The following CBLN1 variants were observed in gnomAD, a reference collection of about 807,000 sequenced individuals.
The protein encoded by CBLN1 is cerebellin 1 precursor, also known as cerebellin-1.
A neutral mutation model predicts 15.9 loss-of-function variants in CBLN1; 5 were observed. That is an observed-to-expected ratio of 0.31 (90% CI 0.16 to 0.66). The LOEUF (loss-of-function observed/expected upper bound fraction) is 0.66. CBLN1 is among the 30% of genes least tolerant of loss of function. CBLN1 has a pLI of 0.75. For missense variants in CBLN1, 164 were observed against 253.7 expected (o/e 0.65, Z 2.40); for synonymous variants, 90 against 107.6 (o/e 0.84, Z 1.01).
rs1332965609 is a variant in CBLN1 at position 49,279,612 on chromosome 16, G to A, written c.385-11C>T. On this transcript the variant is annotated splice_polypyrimidine_tract_variant and intron_variant, in intron 2 of 2. Transcript: ENST00000219197. ...TAGCATGAGGCTCACCTGAGAAAGA[G>A]AAAGGCCCGCTTCAGAGGCGCAACC... is the stretch of plus-strand genomic sequence containing the variant. The A allele has an allele frequency of 6.2e-7, 1 of 1,611,026 alleles. No homozygotes were observed. The highest frequency in any genetic ancestry group is 2.2e-5 in the East Asian group (1 of 44,694).
chr16:49,279,714 A>AGT, intron 2 of CBLN1, 113 bp from the exon 3 acceptor site: 1 of 164,756 alleles, frequency 6.1e-6, no homozygotes, highest in Non-Finnish European at 1.1e-5. Flanking sequence ...GGAAGCACGG[A>AGT]GAGGTGGGGG....
chr16:49,281,771 G>A lies in CBLN1; in HGVS notation c.-306C>T, dbSNP rs1048240021. 5.3e-4 allele frequency: 166 copies of A among 310,922 alleles called. No individual in the cohort carries two copies. Among genetic ancestry groups the A allele is most frequent in the Non-Finnish European group, 8.3e-4 (143 of 171,528 alleles). 19.3% of individuals were successfully genotyped at this position (310,922 alleles called of 1,614,324 possible). A position where few individuals can be genotyped will look rare whatever the true frequency, so the allele number is the denominator to read the frequency against. On this transcript the variant is annotated 5_prime_UTR_variant, in exon 1 of 3. Coordinates refer to ENST00000219197, the MANE Select transcript of CBLN1 (RefSeq NM_004352.4). ...CTGCCGCCGCCTCCTGCCCGCACCCGCCGCTGCCGCCGCCGCCGCCGCTCT... is the reference window on the plus strand; with the variant it reads ...CTGCCGCCGCCTCCTGCCCGCACCCACCGCTGCCGCCGCCGCCGCCGCTCT...
At chr16:49,279,936 G>C (rs1245756588) in intron 2 of CBLN1, among the ~76,000 whole-genome samples, 2 of 152,034 alleles carry the variant, frequency 1.3e-5, no homozygotes, top group African/African-American at 2.4e-5. Flanking sequence ...AGCGCCCTGA[G>C]ACCTTTGACC....
Position 49,278,339 on chromosome 16 carries a change from T to G in CBLN1, c.*1065A>C, listed in dbSNP as rs1963221366. 1 of 152,270 alleles carries G rather than the reference T, an allele frequency of 6.6e-6. No individual in the cohort carries two copies. The highest frequency in any genetic ancestry group is 1.5e-5 in the Non-Finnish European group (1 of 68,056). 9.4% of individuals were successfully genotyped at this position (152,270 alleles called of 1,614,324 possible). The stretch of plus-strand genomic sequence containing the variant: ...CTGTGAACACAGGCGAATGCAGTGC[T>G]GGTCCCCGGCCTGGCGCAGGAAGGA... On this transcript the variant is annotated 3_prime_UTR_variant, in exon 3 of 3. Transcript: ENST00000219197.
At position 49,281,235 on chromosome 16, in the gene CBLN1, C is replaced by T. The variant is rs1963285767; in HGVS notation, c.231G>A (p.Met77Ile). 1 of 1,614,054 alleles carries T rather than the reference C, an allele frequency of 6.2e-7. No homozygotes were observed. Among genetic ancestry groups the T allele is most frequent in the South Asian group, 1.1e-5 (1 of 91,090 alleles). The change falls in exon 1 of 3, where the codon ATG becomes ATA. Residue 77 changes from methionine (M) to isoleucine (I), a missense_variant. Physicochemically the swap from Met to Ile is conservative, Grantham distance 10. Around this residue, in one of 3 missense-constraint regions of CBLN1, gnomAD observed 127 missense variants for 179.7 expected, o/e 0.71. Transcript: ENST00000219197. ...AGTAGATGATCATGGTGCGATTACT[C>T]ATCTCGGACGGCTCGTGGTTGGTGC... ...IRSTNHEPSE[M>I]SNRTMIIYFD...
rs1187679662 is a variant in CBLN1 at position 49,278,795 on chromosome 16, A to C, written c.*609T>G. 1.3e-5 allele frequency: 2 copies of C among 152,300 alleles called. No homozygotes were observed. Among genetic ancestry groups the C allele is most frequent in the Admixed American group, 6.5e-5 (1 of 15,290 alleles). The allele number at this position is 152,300 out of a possible 1,614,324, so 9.4% of individuals were successfully genotyped here. On this transcript the variant is annotated 3_prime_UTR_variant, in exon 3 of 3. Coordinates refer to ENST00000219197, the MANE Select transcript of CBLN1 (RefSeq NM_004352.4). ...GATATATATTTATATTTTTTAAACC[A>C]GTCACCACTAAGGTGAGTCCTTTCT...
At position 49,281,777 on chromosome 16, in the gene CBLN1, G is replaced by T. The variant is rs3743775; in HGVS notation, c.-312C>A. ...CCGCCTCCTGCCCGCACCCGCCGCT[G>T]CCGCCGCCGCCGCCGCTCTGAATTA... On this transcript the variant is annotated 5_prime_UTR_variant, in exon 1 of 3. Transcript: ENST00000219197. 141,862 of 279,282 alleles carry T rather than the reference G, an allele frequency of 0.51. 36,520 individuals are homozygous for T. Among genetic ancestry groups the T allele is most frequent in the East Asian group, 0.65 (10,573 of 16,214 alleles). The allele number at this position is 279,282 out of a possible 1,614,324, so 17.3% of individuals were successfully genotyped here. A position where few individuals can be genotyped will look rare whatever the true frequency, so the allele number is the denominator to read the frequency against.
Position 49,281,508 on chromosome 16 carries a change from T to G in CBLN1, c.-43A>C. 2.4e-6 allele frequency: 2 copies of G among 838,202 alleles called. No individual in the cohort carries two copies. Among genetic ancestry groups the G allele is most frequent in the Non-Finnish European group, 3.0e-6 (2 of 671,576 alleles). The allele number at this position is 838,202 out of a possible 1,614,324, so 51.9% of individuals were successfully genotyped here. Reference sequence around the variant, plus strand: ...CCCCGCCCCCCACCCCCAGGGCTGCTCGCGCCAGCCGCCCCCCCCGTCCCA... The same window carrying G: ...CCCCGCCCCCCACCCCCAGGGCTGCGCGCGCCAGCCGCCCCCCCCGTCCCA... On this transcript the variant is annotated 5_prime_UTR_variant, in exon 1 of 3. Coordinates refer to ENST00000219197, the MANE Select transcript of CBLN1 (RefSeq NM_004352.4).
rs560349230 is a variant in CBLN1 at position 49,281,042 on chromosome 16, C to T, written c.265G>A (p.Val89Ile). Residue 89 changes from valine to isoleucine, a missense_variant and splice_region_variant, in exon 2 of 3, where the codon GTA (valine) becomes ATA (isoleucine). By Grantham distance (29) the Val-to-Ile change is conservative. Coordinates refer to ENST00000219197, the MANE Select transcript of CBLN1 (RefSeq NM_004352.4). ...NRTMIIYFDQ[V>I]LVNIGNNFDS... ...AAGTTGTTCCCAATGTTCACTAGTA[C>T]CTATAACGAGACGGGAACGAAGGGG... 117 of 1,614,242 alleles carry T rather than the reference C, an allele frequency of 7.2e-5. 2 individuals are homozygous for T. The South Asian group carries it at 1.2e-3, about 17-fold the overall frequency.
chr16:49,280,154 C>T (rs1963245382), intron 2 of CBLN1, among the ~76,000 whole-genome samples: 3 of 152,192 alleles, frequency 2.0e-5, no homozygotes, highest in African/African-American at 7.2e-5. Context: ...TGTATTTCCT[C>T]CCCAAACCAC....
chr16:49,280,939 T>C lies in CBLN1; in HGVS notation c.368A>G (p.Asn123Ser). Residue 123 changes from asparagine (N) to serine (S), a missense_variant, in exon 2 of 3, where the codon AAC (asparagine) becomes AGC (serine). Transcript: ENST00000219197. ...TCGGCTGACCTGTATGGTTTGTCTG[T>C]TGTAGACTTTTACCACGTGGAAGTT... ...SFNFHVVKVY[N>S]RQTIQVSLML... The C allele has an allele frequency of 1.9e-6, 3 of 1,614,214 alleles. No individual in the cohort carries two copies. Among genetic ancestry groups the C allele is most frequent in the South Asian group, 2.2e-5 (2 of 91,092 alleles).
At position 49,278,573 on chromosome 16, in the gene CBLN1, C is replaced by T. The variant is rs1388018275; in HGVS notation, c.*831G>A. 6.6e-6 allele frequency: 1 copy of T among 152,230 alleles called. No homozygotes were observed. Among genetic ancestry groups the T allele is most frequent in the Non-Finnish European group, 1.5e-5 (1 of 68,048 alleles). 9.4% of individuals were successfully genotyped at this position (152,230 alleles called of 1,614,324 possible). On this transcript the variant is annotated 3_prime_UTR_variant, in exon 3 of 3. Transcript: ENST00000219197. Reference sequence around the variant, plus strand: ...AGATTAAAGCAAAATTAAACCTTGACTATTCACACGTATGTTACAGAGGAA... The same window carrying T: ...AGATTAAAGCAAAATTAAACCTTGATTATTCACACGTATGTTACAGAGGAA...
chr16:49,281,311 C>A lies in CBLN1; in HGVS notation c.155G>T (p.Gly52Val). Reference protein sequence around the residue: ...PTSDPTGTALGISVRSGSAKV... With the variant: ...PTSDPTGTALVISVRSGSAKV... The stretch of plus-strand genomic sequence containing the variant: ...GGCGCTGCCAGAGCGCACAGAGATG[C>A]CCAGGGCAGTGCCCGTGGGGTCGGA... The change falls in exon 1 of 3, where the codon GGC (glycine) becomes GTC (valine). Residue 52 changes from glycine to valine, a missense_variant. This residue lies in a region of CBLN1 where 127 missense variants were observed against 179.7 expected (regional missense o/e 0.71). Coordinates refer to ENST00000219197, the MANE Select transcript of CBLN1 (RefSeq NM_004352.4). 9 of 1,613,590 alleles carry A rather than the reference C, an allele frequency of 5.6e-6. No individual in the cohort carries two copies. Among genetic ancestry groups the A allele is most frequent in the Non-Finnish European group, 6.8e-6 (8 of 1,180,024 alleles).
At chr16:49,279,719 T>TGG in intron 2 of CBLN1, 118 bp from the exon 3 acceptor site, 5 of 146,926 alleles carry the variant, frequency 3.4e-5, no homozygotes, top group East Asian at 3.7e-4. Context: ...CACGGAGAGG[T>TGG]GGGGGGTGGG....
Position 49,281,421 on chromosome 16 carries a change from C to A in CBLN1, c.45G>T (p.Leu15=). The A allele has an allele frequency of 1.3e-6, 2 of 1,596,662 alleles. No homozygotes were observed. Among genetic ancestry groups the A allele is most frequent in the Non-Finnish European group, 1.7e-6 (2 of 1,177,610 alleles). The change falls in exon 1 of 3, where the codon CTG becomes CTT. Residue 15 remains leucine (L), a synonymous_variant. Coordinates refer to ENST00000219197, the MANE Select transcript of CBLN1 (RefSeq NM_004352.4). ...LELLLLGAAW[L]AGPARGQNET... Reference sequence around the variant, plus strand: ...CATTCTGCCCGCGGGCCGGGCCCGCCAGCCACGCAGCCCCCAGCAGCAGCA... The same window carrying A: ...CATTCTGCCCGCGGGCCGGGCCCGCAAGCCACGCAGCCCCCAGCAGCAGCA...
rs931921668 is a variant in CBLN1 at position 49,279,254 on chromosome 16, G to C, written c.*150C>G. On this transcript the variant is annotated 3_prime_UTR_variant, in exon 3 of 3. Transcript: ENST00000219197. ...AGGAAATGGACAAAGTTGTCCCACA[G>C]CTGGCGCGCACCTTTTTACCCAGAT... 1 of 689,202 alleles carries C rather than the reference G, an allele frequency of 1.5e-6. No homozygotes were observed. Among genetic ancestry groups the C allele is most frequent in the African/African-American group, 1.8e-5 (1 of 55,482 alleles). 42.7% of individuals were successfully genotyped at this position (689,202 alleles called of 1,614,324 possible).
At position 49,279,348 on chromosome 16, in the gene CBLN1, C is replaced by T. The variant is rs1963233202; in HGVS notation, c.*56G>A. 2 of 1,524,584 alleles carry T rather than the reference C, an allele frequency of 1.3e-6. No individual in the cohort carries two copies. The highest frequency in any genetic ancestry group is 1.8e-6 in the Non-Finnish European group (2 of 1,100,648). 94.4% of individuals were successfully genotyped at this position (1,524,584 alleles called of 1,614,324 possible). A position where few individuals can be genotyped will look rare whatever the true frequency, so the allele number is the denominator to read the frequency against. On this transcript the variant is annotated 3_prime_UTR_variant, in exon 3 of 3. Transcript: ENST00000219197. ...TCGCCCTCTTAATTTCAGCCTCTTT[C>T]TCACTCCCCTTCCTGCCTTCGCCCT... is the stretch of plus-strand genomic sequence containing the variant.
Position 49,278,568 on chromosome 16 carries a change from C to T in CBLN1, c.*836G>A, listed in dbSNP as rs1472934694. 1.3e-5 allele frequency: 2 copies of T among 152,210 alleles called. No individual in the cohort carries two copies. Among genetic ancestry groups the T allele is most frequent in the African/African-American group, 4.8e-5 (2 of 41,454 alleles). The allele number at this position is 152,210 out of a possible 1,614,324, so 9.4% of individuals were successfully genotyped here. On this transcript the variant is annotated 3_prime_UTR_variant, in exon 3 of 3. Coordinates refer to ENST00000219197, the MANE Select transcript of CBLN1 (RefSeq NM_004352.4). Reference sequence around the variant, plus strand: ...TTATTAGATTAAAGCAAAATTAAACCTTGACTATTCACACGTATGTTACAG... The same window carrying T: ...TTATTAGATTAAAGCAAAATTAAACTTTGACTATTCACACGTATGTTACAG...
chr16:49,279,342 C>A lies in CBLN1; in HGVS notation c.*62G>T. The A allele has an allele frequency of 1.3e-6, 2 of 1,481,748 alleles. No individual in the cohort carries two copies. Among genetic ancestry groups the A allele is most frequent in the Non-Finnish European group, 1.9e-6 (2 of 1,062,678 alleles). The allele number at this position is 1,481,748 out of a possible 1,614,324, so 91.8% of individuals were successfully genotyped here. A position where few individuals can be genotyped will look rare whatever the true frequency, so the allele number is the denominator to read the frequency against. On this transcript the variant is annotated 3_prime_UTR_variant, in exon 3 of 3. Coordinates refer to ENST00000219197, the MANE Select transcript of CBLN1 (RefSeq NM_004352.4). Reference sequence around the variant, plus strand: ...GCTTTCTCGCCCTCTTAATTTCAGCCTCTTTCTCACTCCCCTTCCTGCCTT... The same window carrying A: ...GCTTTCTCGCCCTCTTAATTTCAGCATCTTTCTCACTCCCCTTCCTGCCTT...
Sources: gnomAD v4.1 joint callset for allele counts (sites outside exome capture counted in the v4.1 genomes callset) on GRCh38, gnomAD v4.1.1 for gene constraint, gnomAD v4.1.1 regional missense constraint, MANE v1.5 for transcripts, NCBI Gene and HGNC (gene_info 2026-07-23, HGNC 2026-07-21) for gene names.